Variants in ARHGAP36 observed in about 807,000 individuals in gnomAD.
The protein encoded by ARHGAP36 is Rho GTPase activating protein 36, also known as rho GTPase-activating protein 36.
ARHGAP36 carries 7 observed loss-of-function variants against 32.9 expected under a neutral mutation model. The observed-to-expected ratio is 0.21, with a 90% CI of 0.12 to 0.40. The LOEUF (loss-of-function observed/expected upper bound fraction) is 0.40, where lower values mean the gene tolerates loss of function less well. Among genes scored for constraint, ARHGAP36 ranks in the 10% least tolerant of loss-of-function variants. ARHGAP36 has a pLI of 1.00. For synonymous variants in ARHGAP36, 165 were observed against 168.3 expected, an observed-to-expected ratio of 0.98 and a Z score of 0.15; for missense variants, 383 against 442.2, an observed-to-expected ratio of 0.87 and a Z score of 1.20.
rs1355310208 is a variant in ARHGAP36 at position 131,084,949 on chromosome X, G to T, written c.840G>T (p.Val280=). Residue 280 remains valine, a synonymous_variant, in exon 7 of 12, where the codon GTG becomes GTT. Transcript: ENST00000276211. The part of the protein sequence containing the change: ...REEFDQGLDV[V]LDDNQNVHDV... ...AATTTGATCAAGGTCTGGATGTAGTGCTGGATGACAATCAGAATGTGCATG... is the reference window on the plus strand; with the variant it reads ...AATTTGATCAAGGTCTGGATGTAGTTCTGGATGACAATCAGAATGTGCATG... 3.3e-6 allele frequency: 4 copies of T among 1,211,983 alleles called. No individual in the cohort carries two copies. Among genetic ancestry groups the T allele is most frequent in the Non-Finnish European group, 4.5e-6 (4 of 895,580 alleles).
chrX:131,083,692 G>C, intron 3 of ARHGAP36, 42 bp from the exon 4 acceptor site: 1 of 1,169,765 alleles, frequency 8.5e-7, no homozygotes, highest in Non-Finnish European at 1.2e-6. Flanking sequence ...TAAGCGCTGC[G>C]AGGCTTTGAC....
intron 7 of ARHGAP36, 51 bp downstream of exon 7, chrX:131,085,115 G>C (rs1190354717): frequency 1.5e-5 from 17 of 1,148,963 alleles, no homozygotes; most frequent in Non-Finnish European, 1.7e-5. Context: ...TATTACTGGG[G>C]TCTAGGGGGT....
At chrX:131,074,354 T>TGA (rs1305688591) in intron 1 of ARHGAP36, among the ~76,000 whole-genome samples, 2 of 34,135 alleles carry the variant, frequency 5.9e-5, no homozygotes, top group African/African-American at 1.3e-4. Flanking sequence ...TGTGTGTGTG[T>TGA]GTGTGAGAGA....
At chrX:131,075,317 T>C (rs969116939) in intron 1 of ARHGAP36, among the ~76,000 whole-genome samples, 3 of 111,510 alleles carry the variant, frequency 2.7e-5, no homozygotes, top group African/African-American at 9.8e-5. Flanking sequence ...ATTTGCTCTC[T>C]GTCACATAGT....
chrX:131,065,765 G>A (rs2079695268), intron 1 of ARHGAP36, among the ~76,000 whole-genome samples: 1 of 111,744 alleles, frequency 8.9e-6, no homozygotes, highest in Non-Finnish European at 1.9e-5. Context: ...CCCAGCTGGG[G>A]GGAAGCTTTA....
Position 131,087,028 on chromosome X carries a change from G to T in ARHGAP36, c.1486+363G>T, listed in dbSNP as rs1428796766. Among the ~76,000 whole-genome samples the T allele has an allele frequency of 2.7e-5, 3 of 111,528 alleles. No individual in the cohort carries two copies. In the East Asian group the frequency reaches 8.4e-4, roughly 31 times the overall value. On this transcript the variant is annotated intron_variant, in intron 11 of 11. Transcript: ENST00000276211. ...AGAACTCATTGAGATCCCAGACTTT[G>T]AAGAAATTCCATATTTTGATATGGT...
chrX:131,068,257 G>GCATA (rs901957549), intron 1 of ARHGAP36, among the ~76,000 whole-genome samples: 2 of 111,134 alleles, frequency 1.8e-5, no homozygotes, highest in Non-Finnish European at 3.8e-5. Context: ...ACGCTTACAT[G>GCATA]CATACATACA....
chrX:131,084,798 C>T, intron 6 of ARHGAP36, 116 bp from the exon 7 acceptor site: 1 of 1,162,127 alleles, frequency 8.6e-7, no homozygotes, highest in Non-Finnish European at 1.2e-6. Flanking sequence ...CTTTGTAGCC[C>T]CCAGGCCCAC....
chrX:131,082,983 C>T (rs967970983), intron 2 of ARHGAP36, among the ~76,000 whole-genome samples, 182 bp from the exon 3 acceptor site: 2 of 113,160 alleles, frequency 1.8e-5, no homozygotes, highest in Non-Finnish European at 3.7e-5. Flanking sequence ...GTGAGATAGG[C>T]TTGTCCTTGT....
intron 1 of ARHGAP36, among the ~76,000 whole-genome samples, chrX:131,061,861 T>C (rs1409168682): frequency 8.9e-6 from 1 of 112,439 alleles, no homozygotes; most frequent in East Asian, 2.8e-4. Context: ...ATACAGAATC[T>C]GTGTGATGAA....
Position 131,085,742 on chromosome X carries a change from AAG to A in ARHGAP36, c.1104+8_1104+9del. 1 of 1,210,315 alleles carries A rather than the reference AAG, an allele frequency of 8.3e-7. No individual in the cohort carries two copies. Among genetic ancestry groups the A allele is most frequent in the Non-Finnish European group, 1.1e-6 (1 of 894,891 alleles). On this transcript the variant is annotated splice_region_variant and intron_variant, in intron 8 of 11. Transcript: ENST00000276211. ...TTGGCATTGATGGACAGTTGGTAAAAAGATCTTGGAAAGAGTAGTGAAAACTG... is the reference window on the plus strand; with the variant it reads ...TTGGCATTGATGGACAGTTGGTAAAAATCTTGGAAAGAGTAGTGAAAACTG...
Position 131,084,890 on chromosome X carries a change from G to C in ARHGAP36, c.805-24G>C, listed in dbSNP as rs766514700. 7 of 1,207,730 alleles carry C rather than the reference G, an allele frequency of 5.8e-6. No individual in the cohort carries two copies. In the South Asian group the frequency reaches 1.2e-4, roughly 22 times the overall value. Reference sequence around the variant, plus strand: ...GGAGCTGTGGTGGGCCAGGCAGACAGTCCCTGTCTTCTCCTTTTCCTAGCT... The same window carrying C: ...GGAGCTGTGGTGGGCCAGGCAGACACTCCCTGTCTTCTCCTTTTCCTAGCT... On this transcript the variant is annotated intron_variant, in intron 6 of 11. Coordinates refer to ENST00000276211, the MANE Select transcript of ARHGAP36 (RefSeq NM_144967.4).
chrX:131,068,610 A>T (rs1362480091), intron 1 of ARHGAP36, among the ~76,000 whole-genome samples: 1 of 91,997 alleles, frequency 1.1e-5, no homozygotes, highest in African/African-American at 4.1e-5. Context: ...CACTGCCTTG[A>T]CCTCTGTCCC....
rs1445320683 is a variant in ARHGAP36 at position 131,089,421 on chromosome X, C to T, written c.*636C>T. 2.7e-5 allele frequency: 3 copies of T among 112,929 alleles called. No individual in the cohort carries two copies. Among genetic ancestry groups the T allele is most frequent in the Non-Finnish European group, 5.6e-5 (3 of 53,427 alleles). The allele number at this position is 112,929 out of a possible 1,213,427, so 9.3% of individuals were successfully genotyped here. A position where few individuals can be genotyped will look rare whatever the true frequency, so the allele number is the denominator to read the frequency against. ...ATTCTGTACAGTTTTGCTCAGGTCA[C>T]GCCAACAGGGAAACCTCAAGTGTAG... On this transcript the variant is annotated 3_prime_UTR_variant, in exon 12 of 12. Transcript: ENST00000276211.
rs144633331 is a variant in ARHGAP36, at chrX:131,083,199, G to C, written c.288G>C (p.Lys96Asn). 45 of 1,210,064 alleles carry C rather than the reference G, an allele frequency of 3.7e-5. No homozygotes were observed. The highest frequency in any genetic ancestry group is 4.8e-5 in the Non-Finnish European group (43 of 895,104). ...LPIDRPNTLD[K>N]WFLILRGQQR... ...TTGACCGTCCGAACACCTTGGATAA[G>C]TGGTTTCTGATTTTGAGAGGACAGC... Residue 96 changes from lysine (K) to asparagine (N), a missense_variant, in exon 3 of 12, where the codon AAG (lysine) becomes AAC (asparagine). By Grantham distance (94) the Lys-to-Asn change is moderately conservative (BLOSUM62 0). This residue lies in a region of ARHGAP36 where 156 missense variants were observed against 131.0 expected (regional missense o/e 1.19). Coordinates refer to ENST00000276211, the MANE Select transcript of ARHGAP36 (RefSeq NM_144967.4).
At chrX:131,072,637 T>C (rs763289173) in intron 1 of ARHGAP36, among the ~76,000 whole-genome samples, 1 of 111,493 alleles carries the variant, frequency 9.0e-6, no homozygotes, top group African/African-American at 3.3e-5. Flanking sequence ...ACTGTGAGAT[T>C]GTGTGGCATG....
Position 131,065,887 on chromosome X carries a change from G to A in ARHGAP36, c.-143+7443G>A, listed in dbSNP as rs184932829. 5.4e-5 allele frequency among the ~76,000 whole-genome samples: 6 copies of A among 111,775 alleles called. No individual in the cohort carries two copies. The East Asian group carries it at 1.7e-3, about 32-fold the overall frequency. On this transcript the variant is annotated intron_variant, in intron 1 of 11. Coordinates refer to ENST00000276211, the MANE Select transcript of ARHGAP36 (RefSeq NM_144967.4). Reference sequence around the variant, plus strand: ...GTGCTTCTCACTTTCCCCCTGAAAAGTGGCGAAGTGACTCACCACTGTTGA... The same window carrying A: ...GTGCTTCTCACTTTCCCCCTGAAAAATGGCGAAGTGACTCACCACTGTTGA...
rs778977366 is a variant in ARHGAP36, at chrX:131,084,229, G to A, written c.570G>A (p.Val190=). The stretch of plus-strand genomic sequence containing the variant: ...TTTCTCCACAGGGTGCAGTGTCTGT[G>A]GATAGTCTGGCTGAGCTGGAAGACG... ...TRRGRRGAVS[V]DSLAELEDGA... is the part of the protein sequence containing the mutation. The change falls in exon 5 of 12, where the codon GTG becomes GTA. Residue 190 remains valine, a synonymous_variant. Coordinates refer to ENST00000276211, the MANE Select transcript of ARHGAP36 (RefSeq NM_144967.4). 1.7e-6 allele frequency: 2 copies of A among 1,205,779 alleles called. No homozygotes were observed. Among genetic ancestry groups the A allele is most frequent in the Non-Finnish European group, 2.2e-6 (2 of 893,363 alleles).
intron 1 of ARHGAP36, among the ~76,000 whole-genome samples, chrX:131,070,293 A>G (rs1373954930): frequency 8.9e-6 from 1 of 112,328 alleles, no homozygotes; most frequent in Non-Finnish European, 1.9e-5. Context: ...GTGATTCACC[A>G]TCTCAGTTAG....
Sources: gnomAD v4.1 joint callset for allele counts (sites outside exome capture counted in the v4.1 genomes callset) on GRCh38, gnomAD v4.1.1 for gene constraint, gnomAD v4.1.1 regional missense constraint, MANE v1.5 for transcripts, NCBI Gene and HGNC (gene_info 2026-07-23, HGNC 2026-07-21) for gene names.